TRAPPC8: variants seen among roughly 807,000 people sequenced by gnomAD.
TRAPPC8 encodes trafficking protein particle complex subunit 8.
A neutral mutation model predicts 174.3 loss-of-function variants in TRAPPC8; 54 were observed. That is an observed-to-expected ratio of 0.31 (90% CI 0.25 to 0.39). The LOEUF (loss-of-function observed/expected upper bound fraction) is 0.39, where lower values mean the gene tolerates loss of function less well. Among genes scored for constraint, TRAPPC8 ranks in the 10% least tolerant of loss-of-function variants. TRAPPC8 has a pLI of 1.00. For synonymous variants in TRAPPC8, 630 were observed against 579.9 expected (o/e 1.09, Z -1.24); for missense variants, 1,531 against 1,699.1 (o/e 0.90, Z 1.74).
intron 2 of TRAPPC8, among the ~76,000 whole-genome samples, chr18:31,922,694 T>C (rs1229192585): frequency 2.0e-5 from 3 of 152,106 alleles, no homozygotes; most frequent in East Asian, 1.9e-4. Context: ...GTTCTTTCTT[T>C]GGAATTGAAA....
intron 12 of TRAPPC8, among the ~76,000 whole-genome samples, chr18:31,889,016 G>T (rs1017469743): frequency 1.3e-5 from 2 of 152,104 alleles, no homozygotes; most frequent in African/African-American, 4.8e-5. Context: ...CCAAGGAAGA[G>T]ACTGTTCTTG....
intron 1 of TRAPPC8, chr18:31,939,892 A>C (rs2038256474): frequency 6.6e-6 from 1 of 152,654 alleles, no homozygotes; most frequent in Admixed American, 6.6e-5. Flanking sequence ...ACAAACAAAC[A>C]AAAAAACTCC....
chr18:31,834,273 AT>A (rs553063180), intron 27 of TRAPPC8, among the ~76,000 whole-genome samples: 188 of 151,010 alleles, frequency 1.2e-3, no homozygotes, highest in Middle Eastern at 3.4e-3. Flanking sequence ...CACCCGGCTA[AT>A]TTTTTTTTAT....
At chr18:31,880,758 A>G (rs1240692605) in intron 12 of TRAPPC8, among the ~76,000 whole-genome samples, 2 of 152,134 alleles carry the variant, frequency 1.3e-5, no homozygotes, top group Non-Finnish European at 2.9e-5. Flanking sequence ...GAAAACCTAA[A>G]GATTCCTCCT....
chr18:31,888,186 C>T (rs943099221), intron 12 of TRAPPC8, among the ~76,000 whole-genome samples: 41 of 152,026 alleles, frequency 2.7e-4, no homozygotes, highest in African/African-American at 9.4e-4. Flanking sequence ...ATTAGAGAAA[C>T]GCAAATCAAA....
chr18:31,912,852 G>A (rs1309926231), intron 5 of TRAPPC8, among the ~76,000 whole-genome samples: 1 of 152,104 alleles, frequency 6.6e-6, no homozygotes, highest in Non-Finnish European at 1.5e-5. Flanking sequence ...ATCAGTCCAG[G>A]CGCGGTGGCT....
In TRAPPC8 at chr18:31,907,612, T is replaced by C; in HGVS notation, c.1239-2A>G. On this transcript the variant is annotated splice_acceptor_variant, in intron 8 of 28. Coordinates refer to ENST00000283351, the MANE Select transcript of TRAPPC8 (RefSeq NM_014939.5). LOFTEE classifies it high-confidence loss of function. ...AGTTCTGGTGCTTCCGGCGGATACC[T>C]GTAAATACAAAAGAAAATAATTTAT... 6.3e-7 allele frequency: 1 copy of C among 1,598,266 alleles called. No individual in the cohort carries two copies. The highest frequency in any genetic ancestry group is 8.5e-7 in the Non-Finnish European group (1 of 1,171,724).
chr18:31,940,359 G>A (rs1177085516), intron 1 of TRAPPC8, among the ~76,000 whole-genome samples: 3 of 151,840 alleles, frequency 2.0e-5, no homozygotes, highest in Non-Finnish European at 4.4e-5. Flanking sequence ...CAGCTACTCG[G>A]GAGGCTGAGG....
chr18:31,939,169 A>C (rs1183624305), intron 1 of TRAPPC8, among the ~76,000 whole-genome samples: 1 of 151,898 alleles, frequency 6.6e-6, no homozygotes, highest in Admixed American at 6.6e-5. Context: ...AAAGAATTCT[A>C]AAATGTATTT....
chr18:31,907,309 C>G, intron 9 of TRAPPC8, 151 bp downstream of exon 9: 1 of 669,060 alleles, frequency 1.5e-6, no homozygotes, highest in Non-Finnish European at 2.2e-6. Context: ...GGAAATCCAT[C>G]AACTCAGCAT....
intron 1 of TRAPPC8, among the ~76,000 whole-genome samples, chr18:31,941,757 T>C (rs2038355010): frequency 6.6e-6 from 1 of 152,186 alleles, no homozygotes; most frequent in South Asian, 2.1e-4. Context: ...ATGAAACCCT[T>C]CAGTTCTTAC....
At chr18:31,910,634 T>G (rs1022897807) in intron 5 of TRAPPC8, among the ~76,000 whole-genome samples, 1 of 152,176 alleles carries the variant, frequency 6.6e-6, no homozygotes, top group African/African-American at 2.4e-5. Context: ...AGACATGCAA[T>G]AGGTCACTTA....
chr18:31,933,584 A>G lies in TRAPPC8; in HGVS notation c.158-2061T>C, dbSNP rs992597972. 3.3e-5 allele frequency among the ~76,000 whole-genome samples: 5 copies of G among 152,298 alleles called. No individual in the cohort carries two copies. In the South Asian group the frequency reaches 1.0e-3, roughly 32 times the overall value. On this transcript the variant is annotated intron_variant, in intron 1 of 28. Coordinates refer to ENST00000283351, the MANE Select transcript of TRAPPC8 (RefSeq NM_014939.5). Reference sequence around the variant, plus strand: ...CGGTATAGCAGCAGCAGCAGATACAACATCACCTATTTCACCTGCACCATG... The same window carrying G: ...CGGTATAGCAGCAGCAGCAGATACAGCATCACCTATTTCACCTGCACCATG...
At chr18:31,902,601 T>C (rs1328651929) in intron 9 of TRAPPC8, among the ~76,000 whole-genome samples, 2 of 152,124 alleles carry the variant, frequency 1.3e-5, no homozygotes, top group African/African-American at 4.8e-5. Context: ...GTTTTGGTTG[T>C]GGTATCATCT....
At chr18:31,889,393 A>G (rs1282182610) in intron 12 of TRAPPC8, among the ~76,000 whole-genome samples, 3 of 152,224 alleles carry the variant, frequency 2.0e-5, no homozygotes, top group Non-Finnish European at 4.4e-5. Context: ...ACCATTCACA[A>G]AAGTGGACAA....
At position 31,829,317 on chromosome 18, in the gene TRAPPC8, A is replaced by G. The variant is rs1320981695; in HGVS notation, c.*1438T>C. On this transcript the variant is annotated 3_prime_UTR_variant, in exon 29 of 29. Transcript: ENST00000283351. ...TTTAATATTCAGCTGAGTGGTTTAA[A>G]TATGAGATACCACTGTGATTATGCC... 2 of 152,206 alleles carry G rather than the reference A, an allele frequency of 1.3e-5. No individual in the cohort carries two copies. The highest frequency in any genetic ancestry group is 2.9e-5 in the Non-Finnish European group (2 of 68,030). The allele number at this position is 152,206 out of a possible 1,614,324, so 9.4% of individuals were successfully genotyped here. A position where few individuals can be genotyped will look rare whatever the true frequency, so the allele number is the denominator to read the frequency against.
At chr18:31,920,226 T>C (rs1311282769) in intron 2 of TRAPPC8, among the ~76,000 whole-genome samples, 1 of 152,252 alleles carries the variant, frequency 6.6e-6, no homozygotes, top group Admixed American at 6.5e-5. Flanking sequence ...AGATAAATTA[T>C]AGTCATATGA....
chr18:31,942,501 G>T, intron 1 of TRAPPC8, 107 bp downstream of exon 1: 1 of 1,351,002 alleles, frequency 7.4e-7, no homozygotes, highest in Non-Finnish European at 9.7e-7. Flanking sequence ...CCACGGTACC[G>T]GCTCCAGGAC....
In TRAPPC8 at chr18:31,873,613, T is replaced by C. The variant is rs575736978; in HGVS notation, c.1954-75A>G. On this transcript the variant is annotated intron_variant, in intron 13 of 28. Coordinates refer to ENST00000283351, the MANE Select transcript of TRAPPC8 (RefSeq NM_014939.5). ...TTTTATTTGTTTCCTCGTTTCTTAA[T>C]ACACAAGGCATTAAAAATATGTTAA... is the stretch of plus-strand genomic sequence containing the variant. The C allele has an allele frequency of 3.8e-4, 364 of 964,564 alleles. 1 individual carries two copies. Among genetic ancestry groups the C allele is most frequent in the Non-Finnish European group, 4.2e-4 (267 of 634,872 alleles). The allele number at this position is 964,564 out of a possible 1,614,324, so 59.8% of individuals were successfully genotyped here.
Sources: allele counts gnomAD v4.1 joint callset (sites outside exome capture counted in the v4.1 genomes callset), GRCh38; gene constraint gnomAD v4.1.1; transcripts MANE v1.5; gene names NCBI Gene and HGNC (gene_info 2026-07-23, HGNC 2026-07-21).